Variants in CNTNAP2 observed in about 807,000 individuals in gnomAD.
The protein encoded by CNTNAP2 is contactin associated protein 2, also known as contactin-associated protein-like 2.
In CNTNAP2, 98 loss-of-function variants were observed where a neutral mutation model predicts 155.2. The observed-to-expected ratio is 0.63, with a 90% CI of 0.54 to 0.75. The LOEUF is 0.75. Ranked by LOEUF, CNTNAP2 falls within the 30% of genes least tolerant of loss-of-function variation. CNTNAP2 has a pLI of 0.00. For missense variants in CNTNAP2, 1,727 were observed against 1,688.1 expected (o/e 1.02, Z -0.40); for synonymous variants, 651 against 631.2 (o/e 1.03, Z -0.47).
chr7:147,664,232 C>T (rs748587018), intron 13 of CNTNAP2, among the ~76,000 whole-genome samples: 21 of 152,248 alleles, frequency 1.4e-4, no homozygotes, highest in African/African-American at 4.3e-4. Context: ...ATAGTCAAGA[C>T]GGATGGATTA....
chr7:146,158,895 A>G (rs1798171961), intron 1 of CNTNAP2, among the ~76,000 whole-genome samples: 1 of 152,230 alleles, frequency 6.6e-6, no homozygotes, highest in Non-Finnish European at 1.5e-5. Flanking sequence ...AGAGAATGCT[A>G]CAAAGATACT....
At chr7:147,658,822 A>G (rs144739568) in intron 13 of CNTNAP2, among the ~76,000 whole-genome samples, 2,534 of 152,080 alleles carry the variant, frequency 0.017, 223 homozygotes, top group Admixed American at 0.15. Flanking sequence ...TGTTTTTTCT[A>G]TAGTTCTGTT....
intron 8 of CNTNAP2, among the ~76,000 whole-genome samples, chr7:147,220,462 C>A (rs991622998): frequency 1.3e-5 from 2 of 152,126 alleles, no homozygotes; most frequent in Non-Finnish European, 2.9e-5. Flanking sequence ...TGCATTTAGA[C>A]AATTGATGTT....
At chr7:146,367,438 T>C (rs985269898) in intron 1 of CNTNAP2, among the ~76,000 whole-genome samples, 1 of 151,992 alleles carries the variant, frequency 6.6e-6, no homozygotes, top group South Asian at 2.1e-4. Context: ...AATATAAGAG[T>C]TTAAAAAGCT....
intron 3 of CNTNAP2, among the ~76,000 whole-genome samples, chr7:147,025,114 T>C (rs1285394832): frequency 6.7e-6 from 1 of 150,326 alleles, no homozygotes; most frequent in Non-Finnish European, 1.5e-5. Flanking sequence ...TGAAACCCCA[T>C]CTCTACTAAA....
At chr7:146,300,767 C>T (rs73460001) in intron 1 of CNTNAP2, among the ~76,000 whole-genome samples, 2,985 of 152,036 alleles carry the variant, frequency 0.02, 122 homozygotes, top group African/African-American at 0.068. Flanking sequence ...TCAAAATAGG[C>T]ATTATTGAAA....
intron 3 of CNTNAP2, among the ~76,000 whole-genome samples, chr7:146,950,771 T>C (rs1367279838): frequency 6.6e-6 from 1 of 152,178 alleles, no homozygotes; most frequent in Admixed American, 6.5e-5. Context: ...CATGTGTCTT[T>C]AGAGTAGAAT....
intron 3 of CNTNAP2, among the ~76,000 whole-genome samples, chr7:147,009,171 T>C (rs552325974): frequency 4.6e-5 from 7 of 152,270 alleles, no homozygotes; most frequent in South Asian, 2.1e-4. Flanking sequence ...CAAGTGTACC[T>C]ATCTGTCTTT....
intron 13 of CNTNAP2, among the ~76,000 whole-genome samples, chr7:147,784,553 GT>G (rs1215840017): frequency 6.3e-5 from 5 of 79,726 alleles, no homozygotes; most frequent in Non-Finnish European, 1.4e-4. Flanking sequence ...ATATATATGA[GT>G]TTTTTTGAGT....
chr7:146,421,644 G>T (rs1796013445), intron 1 of CNTNAP2, among the ~76,000 whole-genome samples: 1 of 151,766 alleles, frequency 6.6e-6, no homozygotes, highest in Non-Finnish European at 1.5e-5. Flanking sequence ...GCAGTTTTCA[G>T]AATATTGCCA....
intron 1 of CNTNAP2, among the ~76,000 whole-genome samples, chr7:146,279,163 G>A (rs1800209892): frequency 6.6e-6 from 1 of 152,052 alleles, no homozygotes; most frequent in Admixed American, 6.5e-5. Flanking sequence ...ATTGGATTTT[G>A]AAAGTTGTCA....
intron 15 of CNTNAP2, among the ~76,000 whole-genome samples, chr7:148,104,680 A>G (rs971251917): frequency 2.0e-5 from 3 of 152,240 alleles, no homozygotes; most frequent in Non-Finnish European, 4.4e-5. Context: ...GAGATACAAT[A>G]AAGACAGAAG....
intron 3 of CNTNAP2, among the ~76,000 whole-genome samples, chr7:146,914,708 G>A (rs891890473): frequency 6.6e-6 from 1 of 152,028 alleles, no homozygotes; most frequent in African/African-American, 2.4e-5. Context: ...TTCTTTGTCT[G>A]ATTTATAGAT....
Position 146,964,172 on chromosome 7 carries a change from C to T in CNTNAP2, c.403-79735C>T, listed in dbSNP as rs983494241. On this transcript the variant is annotated intron_variant, in intron 3 of 23. Transcript: ENST00000361727. Reference sequence around the variant, plus strand: ...TAGTCCACTGTTTCTGAATTAAAATCACTTCATCATGGTGTTATTTTGAAT... The same window carrying T: ...TAGTCCACTGTTTCTGAATTAAAATTACTTCATCATGGTGTTATTTTGAAT... 5.3e-5 allele frequency among the ~76,000 whole-genome samples: 8 copies of T among 152,278 alleles called. No homozygotes were observed. The East Asian group carries it at 1.5e-3, about 29-fold the overall frequency.
At chr7:148,220,888 G>C (rs1795737125) in intron 19 of CNTNAP2, among the ~76,000 whole-genome samples, 1 of 152,078 alleles carries the variant, frequency 6.6e-6, no homozygotes, top group South Asian at 2.1e-4. Context: ...TACCCACATG[G>C]ACCAGCCTCC....
chr7:147,700,877 T>C (rs1796227327), intron 13 of CNTNAP2, among the ~76,000 whole-genome samples: 1 of 152,132 alleles, frequency 6.6e-6, no homozygotes, highest in South Asian at 2.1e-4. Flanking sequence ...TGGGTCTCCT[T>C]TTGTACTGGA....
rs186492505 is a variant in CNTNAP2, at chr7:146,715,303, G to T, written c.98-58968G>T. On this transcript the variant is annotated intron_variant, in intron 1 of 23. Transcript: ENST00000361727. ...GCAGAGATCGTGCCATTGCGCTCTAGCCTGAGCAACAAGAGCGAAACTCCA... is the reference window on the plus strand; with the variant it reads ...GCAGAGATCGTGCCATTGCGCTCTATCCTGAGCAACAAGAGCGAAACTCCA... Among the ~76,000 whole-genome samples, 10 of 152,188 alleles carry T rather than the reference G, an allele frequency of 6.6e-5. No homozygotes were observed. In the East Asian group the frequency reaches 9.7e-4, roughly 15 times the overall value.
chr7:146,239,224 CTGA>C (rs1799521729), intron 1 of CNTNAP2, among the ~76,000 whole-genome samples: 1 of 152,146 alleles, frequency 6.6e-6, no homozygotes, highest in Admixed American at 6.5e-5. Context: ...ATTTTCCCCC[CTGA>C]TGTTATTTTT....
intron 2 of CNTNAP2, among the ~76,000 whole-genome samples, chr7:146,798,918 A>G (rs1802819250): frequency 6.6e-6 from 1 of 151,372 alleles, no homozygotes; most frequent in Admixed American, 6.6e-5. Flanking sequence ...CAGCTGCAAA[A>G]AAAATATTTT....
Sources: gnomAD v4.1 joint callset for allele counts (sites outside exome capture counted in the v4.1 genomes callset) on GRCh38, gnomAD v4.1.1 for gene constraint, MANE v1.5 for transcripts, NCBI Gene and HGNC (gene_info 2026-07-23, HGNC 2026-07-21) for gene names.